JAZF1: variants seen among roughly 807,000 people sequenced by gnomAD.
The protein encoded by JAZF1 is juxtaposed with another zinc finger protein 1.
In JAZF1, 8 loss-of-function variants were observed where a neutral mutation model predicts 26.4. The observed-to-expected ratio is 0.30, with a 90% confidence interval of 0.18 to 0.55. The LOEUF (loss-of-function observed/expected upper bound fraction) is 0.55. Among genes scored for constraint, JAZF1 ranks in the 20% least tolerant of loss-of-function variants. JAZF1 has a pLI of 0.94. For missense variants in JAZF1, 199 were observed against 322.0 expected, an observed-to-expected ratio of 0.62 and a Z score of 2.92; for synonymous variants, 126 against 122.3, an observed-to-expected ratio of 1.03 and a Z score of -0.20.
chr7:27,972,591 A>T (rs1341226135), intron 2 of JAZF1, among the ~76,000 whole-genome samples: 2 of 152,220 alleles, frequency 1.3e-5, no homozygotes, highest in Admixed American at 6.5e-5. Context: ...TAAAAACACA[A>T]GCAAAGAAAT....
At chr7:27,958,950 T>C (rs961685501) in intron 2 of JAZF1, among the ~76,000 whole-genome samples, 1 of 152,138 alleles carries the variant, frequency 6.6e-6, no homozygotes, top group Non-Finnish European at 1.5e-5. Flanking sequence ...GCAGTACCAG[T>C]AAAGTGCAAG....
intron 2 of JAZF1, among the ~76,000 whole-genome samples, chr7:27,957,302 A>G (rs1409056748): frequency 6.6e-6 from 1 of 152,192 alleles, no homozygotes; most frequent in African/African-American, 2.4e-5. Context: ...TCAGTGCTTA[A>G]TTATTTATAA....
intron 2 of JAZF1, among the ~76,000 whole-genome samples, chr7:27,972,353 C>A (rs1202072271): frequency 1.3e-5 from 2 of 152,190 alleles, no homozygotes; most frequent in Non-Finnish European, 2.9e-5. Context: ...AGAGGGCCAA[C>A]AAGGACAAGA....
chr7:27,838,499 G>A (rs550319365), intron 4 of JAZF1, among the ~76,000 whole-genome samples: 170 of 152,274 alleles, frequency 1.1e-3, no homozygotes, highest in African/African-American at 4.0e-3. Context: ...GGCAGAGACT[G>A]CTGCCAGCAG....
chr7:28,116,799 G>A (rs1259391041), intron 1 of JAZF1, among the ~76,000 whole-genome samples: 4 of 151,668 alleles, frequency 2.6e-5, no homozygotes, highest in African/African-American at 9.7e-5. Flanking sequence ...CCTTTGCCTA[G>A]GCTATTGGTA....
chr7:27,974,637 C>T (rs945912432), intron 2 of JAZF1, among the ~76,000 whole-genome samples: 1 of 152,102 alleles, frequency 6.6e-6, no homozygotes, highest in Non-Finnish European at 1.5e-5. Flanking sequence ...AGTAGAGAGG[C>T]ACATATTAGG....
At chr7:27,845,445 T>A (rs1488092286) in intron 3 of JAZF1, among the ~76,000 whole-genome samples, 1 of 152,152 alleles carries the variant, frequency 6.6e-6, no homozygotes, top group African/African-American at 2.4e-5. Flanking sequence ...ACGCCTGTAA[T>A]CCCAGCACTT....
rs1554280801 is a variant in JAZF1, at chr7:27,998,057, G to GGAAGGAAGGAAGGAAA, written c.116-6077_116-6076insTTTCCTTCCTTCCTTC. Among the ~76,000 whole-genome samples the GGAAGGAAGGAAGGAAA allele has an allele frequency of 1.1e-4, 16 of 145,868 alleles. No individual in the cohort carries two copies. The East Asian group carries it at 2.4e-3, about 22-fold the overall frequency. On this transcript the variant is annotated intron_variant, in intron 1 of 4. Transcript: ENST00000283928. Reference sequence around the variant, plus strand: ...AGGAAGGAAGGAAGGAAGGAAGGAAGGAAGGAAGGAAGGAAGGCAGGCAGG... The same window carrying GGAAGGAAGGAAGGAAA: ...AGGAAGGAAGGAAGGAAGGAAGGAAGGAAGGAAGGAAGGAAAGAAGGAAGGAAGGAAGGCAGGCAGG...
At position 27,840,068 on chromosome 7, in the gene JAZF1, C is replaced by A. The variant is rs1240559144; in HGVS notation, c.555+630G>T. ...CTGTTCCTTATTAGAAAAGTTAGCA[C>A]CCCCAGCTGCCCATGACACCCAGGC... On this transcript the variant is annotated intron_variant, in intron 4 of 4. Coordinates refer to ENST00000283928, the MANE Select transcript of JAZF1 (RefSeq NM_175061.4). The surrounding 1 kb of genome is among the most constrained non-coding windows in gnomAD (Gnocchi z 5.1). Among the ~76,000 whole-genome samples the A allele has an allele frequency of 1.3e-5, 2 of 152,170 alleles. No individual in the cohort carries two copies. Among genetic ancestry groups the A allele is most frequent in the Admixed American group, 1.3e-4 (2 of 15,290 alleles).
rs71555731 is a variant in JAZF1, at chr7:28,056,475, C to CACACAA, written c.116-64495_116-64494insTTGTGT. On this transcript the variant is annotated intron_variant, in intron 1 of 4. Transcript: ENST00000283928. ...ACACACACACACACACACACACACA[C>CACACAA]AATAAGAAAGAAATTCTTGAGGCTG... is the stretch of plus-strand genomic sequence containing the variant. Among the ~76,000 whole-genome samples, 941 of 119,990 alleles carry CACACAA rather than the reference C, an allele frequency of 7.8e-3. 28 individuals are homozygous for CACACAA. The highest frequency in any genetic ancestry group is 0.028 in the Middle Eastern group (6 of 212). 78.7% of individuals were successfully genotyped at this position (119,990 alleles called of 152,430 possible).
intron 2 of JAZF1, among the ~76,000 whole-genome samples, chr7:27,983,745 T>A (rs38509): frequency 1.3e-5 from 2 of 152,056 alleles, no homozygotes; most frequent in Non-Finnish European, 2.9e-5. Context: ...GACTAACAGC[T>A]GATCTCTCAG....
chr7:27,909,002 T>TTCATTCATTCATTC (rs1554274815), intron 2 of JAZF1, among the ~76,000 whole-genome samples: 36 of 151,050 alleles, frequency 2.4e-4, no homozygotes, highest in African/African-American at 8.6e-4. Flanking sequence ...ACTTGAATAA[T>TTCATTCATTCATTC]ATTCATTCAT....
chr7:27,997,944 A>G (rs1005499387), intron 1 of JAZF1, among the ~76,000 whole-genome samples: 4 of 151,910 alleles, frequency 2.6e-5, no homozygotes, highest in Non-Finnish European at 4.4e-5. Context: ...AAAGTCTTAA[A>G]CGTGAATGAG....
At chr7:27,889,519 A>G (rs1310969110) in intron 3 of JAZF1, among the ~76,000 whole-genome samples, 1 of 152,238 alleles carries the variant, frequency 6.6e-6, no homozygotes, top group Non-Finnish European at 1.5e-5. Context: ...TTTAATTATA[A>G]AAAGAAAGAC....
chr7:28,013,461 G>A (rs746802409), intron 1 of JAZF1, among the ~76,000 whole-genome samples: 15 of 152,278 alleles, frequency 9.9e-5, no homozygotes, highest in Admixed American at 7.8e-4. Flanking sequence ...TCAGGATAGC[G>A]GGGGTTGGGG....
At chr7:28,174,811 GGGGTGTGT>G (rs1185938833) in intron 1 of JAZF1, among the ~76,000 whole-genome samples, 1 of 59,936 alleles carries the variant, frequency 1.7e-5, no homozygotes, top group African/African-American at 4.6e-5. Context: ...TCCTGCCTAT[GGGGTGTGT>G]GGGTGTGTGT....
chr7:27,998,071 AAGGCAGGCAGGC>A (rs1554280810), intron 1 of JAZF1, among the ~76,000 whole-genome samples: 4 of 111,544 alleles, frequency 3.6e-5, no homozygotes, highest in Non-Finnish European at 7.0e-5. Context: ...GGAAGGAAGG[AAGGCAGGCAGGC>A]AGGCAGGCAG....
intron 2 of JAZF1, among the ~76,000 whole-genome samples, chr7:27,908,565 G>C (rs969835308): frequency 1.3e-5 from 2 of 152,142 alleles, no homozygotes; most frequent in African/African-American, 4.8e-5. Context: ...TTCTGCACTA[G>C]GCCCCAACTG....
At chr7:27,847,445 G>A (rs1783052082) in intron 3 of JAZF1, among the ~76,000 whole-genome samples, 1 of 152,098 alleles carries the variant, frequency 6.6e-6, no homozygotes. Context: ...TCCATTTGGA[G>A]TTGATTTGTG....
Sources: gnomAD v4.1 joint callset for allele counts (sites outside exome capture counted in the v4.1 genomes callset) on GRCh38, gnomAD v4.1.1 for gene constraint, Gnocchi (gnomAD v3.1) non-coding constraint, MANE v1.5 for transcripts, NCBI Gene and HGNC (gene_info 2026-07-23, HGNC 2026-07-21) for gene names.